TACC3: variants seen among roughly 807,000 people sequenced by gnomAD.
TACC3 encodes transforming acidic coiled-coil-containing protein 3.
A neutral mutation model predicts 86.0 loss-of-function variants in TACC3; 52 were observed. The ratio of observed to expected loss-of-function variants is 0.60; its 90% CI spans 0.48 to 0.76. The LOEUF is 0.76. Ranked by LOEUF, TACC3 falls within the 30% of genes least tolerant of loss-of-function variation. TACC3 has a pLI of 0.00. For synonymous variants in TACC3, 512 were observed against 430.0 expected, an observed-to-expected ratio of 1.19 and a Z score of -2.36; for missense variants, 1,120 against 1,070.4, an observed-to-expected ratio of 1.05 and a Z score of -0.65.
chr4:1,736,599 G>A (rs1181866242), intron 8 of TACC3, among the ~76,000 whole-genome samples: 1 of 151,938 alleles, frequency 6.6e-6, no homozygotes, highest in African/African-American at 2.4e-5. Flanking sequence ...TGTGACAGAG[G>A]CTGTGTGGCC....
chr4:1,737,971 T>C, intron 10 of TACC3: 1 of 549,588 alleles, frequency 1.8e-6, no homozygotes, highest in Non-Finnish European at 3.5e-6. Flanking sequence ...CGTTGGCCTC[T>C]GGTGGCCTTG....
At chr4:1,742,373 C>T (rs757644223) in intron 13 of TACC3, among the ~76,000 whole-genome samples, 2 of 152,212 alleles carry the variant, frequency 1.3e-5, no homozygotes, top group African/African-American at 2.4e-5. Context: ...GCCTTGGCCT[C>T]GCCTCTCCCC....
At chr4:1,721,052 G>C (rs1246791102), upstream of TACC3, 3 of 300,148 alleles carry the variant, frequency 1.0e-5, no homozygotes, top group Non-Finnish European at 1.2e-5. Flanking sequence ...CTAGGACATG[G>C]AGTCCCGCCG....
In TACC3 at chr4:1,728,394, C is replaced by T. The variant is rs200203771; in HGVS notation, c.992C>T (p.Ser331Leu). The change falls in exon 4 of 16, where the codon TCG becomes TTG. Residue 331 changes from serine to leucine, a missense_variant. Transcript: ENST00000313288. The stretch of plus-strand genomic sequence containing the variant: ...GCTGCAGGCCAAATGGCCAGCTCCT[C>T]GAGGAGCGGACCTGTAAAACTAGAA... ...EVAAGQMASS[S>L]RSGPVKLEFD... 27 of 1,613,026 alleles carry T rather than the reference C, an allele frequency of 1.7e-5. 1 individual carries two copies. In the South Asian group the frequency reaches 1.8e-4, roughly 10 times the overall value.
intron 4 of TACC3, among the ~76,000 whole-genome samples, chr4:1,729,753 T>C (rs2108691453): frequency 6.6e-6 from 1 of 152,260 alleles, no homozygotes; most frequent in South Asian, 2.1e-4. Flanking sequence ...GCCTGACTGA[T>C]TCCACAAGAG....
Position 1,731,125 on chromosome 4 carries a change from A to G in TACC3, c.1462-47A>G. Reference sequence around the variant, plus strand: ...TTGTGGGGAGGCAAAGCCACACCCCAAGTACCTTGACTGCACTGCACAGGG... The same window carrying G: ...TTGTGGGGAGGCAAAGCCACACCCCGAGTACCTTGACTGCACTGCACAGGG... On this transcript the variant is annotated intron_variant, in intron 5 of 15. Transcript: ENST00000313288. 5.0e-6 allele frequency: 8 copies of G among 1,607,606 alleles called. No homozygotes were observed. The South Asian group carries it at 7.7e-5, about 15-fold the overall frequency.
At position 1,728,233 on chromosome 4, in the gene TACC3, G is replaced by A. The variant is rs762681446; in HGVS notation, c.831G>A (p.Ala277=). ...CTGGCGAAGCCCTGGGCTGCCCTGC[G>A]GGTGTGGGCACCCCCGTGCCAGCAG... ...GLPGEALGCP[A]GVGTPVPADG... Residue 277 remains alanine (A), a synonymous_variant, in exon 4 of 16, where the codon GCG becomes GCA. Transcript: ENST00000313288. 1.3e-4 allele frequency: 216 copies of A among 1,612,176 alleles called. No individual in the cohort carries two copies. The highest frequency in any genetic ancestry group is 1.7e-4 in the Non-Finnish European group (196 of 1,179,830).
intron 1 of TACC3, 155 bp from the exon 2 acceptor site, chr4:1,723,266 C>G: frequency 1.4e-6 from 1 of 733,112 alleles, no homozygotes; most frequent in Admixed American, 2.9e-5. Context: ...GAGGCTTTCT[C>G]TGCCAAGAGA....
At chr4:1,744,017 C>T (rs1373476303) in intron 13 of TACC3, among the ~76,000 whole-genome samples, 1 of 152,096 alleles carries the variant, frequency 6.6e-6, no homozygotes, top group Admixed American at 6.5e-5. Flanking sequence ...GCAGAGGCCA[C>T]TCGGGGACCC....
At chr4:1,742,213 T>TGGCAGCAGAGTGCCCACC (rs1718629996) in intron 13 of TACC3, 1 of 152,348 alleles carries the variant, frequency 6.6e-6, no homozygotes, top group African/African-American at 2.4e-5. Context: ...AAGGGCCCTG[T>TGGCAGCAGAGTGCCCACC]GGCAGCAGAG....
At chr4:1,721,206 A>G (rs1173186019), upstream of TACC3, 3 of 173,600 alleles carry the variant, frequency 1.7e-5, no homozygotes, top group African/African-American at 4.7e-5. Flanking sequence ...TGCATTGAGC[A>G]CAGGTGGGGA....
At chr4:1,741,209 C>A in intron 13 of TACC3, 1 of 452,466 alleles carries the variant, frequency 2.2e-6, no homozygotes, top group Non-Finnish European at 3.9e-6. Flanking sequence ...AGCAGGGAGG[C>A]CATCTGAGCC....
chr4:1,744,060 G>A (rs998666974), intron 13 of TACC3, among the ~76,000 whole-genome samples: 18 of 152,178 alleles, frequency 1.2e-4, no homozygotes, highest in African/African-American at 2.4e-4. Flanking sequence ...CTCAGTCACT[G>A]AGCGGAAGGT....
chr4:1,741,196 G>A lies in TACC3; in HGVS notation c.2223+210G>A, dbSNP rs1718581683. 3.9e-5 allele frequency: 19 copies of A among 481,998 alleles called. No individual in the cohort carries two copies. The South Asian group carries it at 5.2e-4, about 13-fold the overall frequency. The allele number at this position is 481,998 out of a possible 1,614,324, so 29.9% of individuals were successfully genotyped here. ...GCAGCTGAGGGCGGCAGGAGGCAGA[G>A]TGAGCAGGGAGGCCATCTGAGCCGT... On this transcript the variant is annotated intron_variant, in intron 13 of 15. Transcript: ENST00000313288.
rs150355231 is a variant in TACC3 at position 1,735,823 on chromosome 4, C to T, written c.1737C>T (p.Thr579=). 1.6e-5 allele frequency: 25 copies of T among 1,594,080 alleles called. No homozygotes were observed. The highest frequency in any genetic ancestry group is 1.2e-4 in the African/African-American group (9 of 74,478). The change falls in exon 8 of 16, where the codon ACC becomes ACT. Residue 579 remains threonine, a synonymous_variant. Transcript: ENST00000313288. The surrounding 1 kb of genome is among the most constrained non-coding windows in gnomAD (Gnocchi z 4.2). The stretch of plus-strand genomic sequence containing the variant: ...CTGGTAGACCAGTGCCCGTGGCCAC[C>T]GAGACCAGCAGGTATGTGCGCCGGC... ...DSPGRPVPVA[T]ETSSMHGANE...
chr4:1,740,029 G>C, intron 12 of TACC3, 27 bp downstream of exon 12: 3 of 1,612,310 alleles, frequency 1.9e-6, no homozygotes, highest in Non-Finnish European at 2.5e-6. Context: ...CCGAGGCCAC[G>C]TGCCTCCACG....
chr4:1,724,219 G>A (rs570109727), intron 3 of TACC3, among the ~76,000 whole-genome samples: 11 of 151,600 alleles, frequency 7.3e-5, no homozygotes, highest in African/African-American at 1.5e-4. Context: ...TGATGCGCCC[G>A]CCTTGGCCTC....
intron 10 of TACC3, among the ~76,000 whole-genome samples, chr4:1,738,620 T>C (rs932398606): frequency 2.0e-5 from 3 of 152,256 alleles, no homozygotes; most frequent in Non-Finnish European, 2.9e-5. Flanking sequence ...TTTTACTTTC[T>C]GCAGAAAGGG....
At chr4:1,732,461 G>A (rs1175153552) in intron 6 of TACC3, among the ~76,000 whole-genome samples, 2 of 152,258 alleles carry the variant, frequency 1.3e-5, no homozygotes, top group African/African-American at 4.8e-5. Context: ...CGGTTTGTCC[G>A]TAAGATTGGA....
Sources: gnomAD v4.1 joint callset for allele counts (sites outside exome capture counted in the v4.1 genomes callset) on GRCh38, gnomAD v4.1.1 for gene constraint, Gnocchi (gnomAD v3.1) non-coding constraint, MANE v1.5 for transcripts, NCBI Gene and HGNC (gene_info 2026-07-23, HGNC 2026-07-21) for gene names.